TTC7A: variants seen among roughly 807,000 people sequenced by gnomAD.
The protein encoded by TTC7A is tetratricopeptide repeat domain 7A.
Under a neutral mutation model 103.7 loss-of-function variants are expected in TTC7A, and 110 were observed. The ratio of observed to expected loss-of-function variants is 1.06; its 90% CI spans 0.91 to 1.24. TTC7A has a LOEUF of 1.24. Among genes scored for constraint, TTC7A ranks in the 50% most tolerant of loss-of-function variants. TTC7A has a pLI of 0.00. For missense variants in TTC7A, 1,340 were observed against 1,116.3 expected, an observed-to-expected ratio of 1.20 and a Z score of -2.86; for synonymous variants, 521 against 467.9, an observed-to-expected ratio of 1.11 and a Z score of -1.47.
intron 12 of TTC7A, among the ~76,000 whole-genome samples, chr2:47,022,225 T>C (rs968956607): frequency 2.4e-4 from 37 of 151,982 alleles, no homozygotes; most frequent in Non-Finnish European, 5.1e-4. Context: ...TCCTCTCCCC[T>C]CTTCATGGGC....
chr2:47,062,120 G>C (rs148249794), intron 19 of TTC7A, among the ~76,000 whole-genome samples: 1 of 152,346 alleles, frequency 6.6e-6, no homozygotes, highest in Middle Eastern at 3.4e-3. Context: ...TTAGATTTCA[G>C]CCATGTCAGG....
intron 11 of TTC7A, among the ~76,000 whole-genome samples, chr2:47,013,430 A>C (rs536450855): frequency 2.0e-4 from 31 of 152,014 alleles, no homozygotes; most frequent in Non-Finnish European, 3.5e-4. Flanking sequence ...CCCGACCCCA[A>C]CTCAGGCCGC....
chr2:47,054,887 A>G (rs544016938), intron 18 of TTC7A, among the ~76,000 whole-genome samples: 15 of 152,080 alleles, frequency 9.9e-5, no homozygotes, highest in African/African-American at 3.6e-4. Context: ...AGGGGAGAAT[A>G]CACTGGTGAC....
At chr2:47,018,233 C>T (rs1197431384) in intron 11 of TTC7A, among the ~76,000 whole-genome samples, 1 of 148,426 alleles carries the variant, frequency 6.7e-6, no homozygotes, top group Non-Finnish European at 1.5e-5. Flanking sequence ...GCCAAGATCG[C>T]ACCACTGTAC....
rs566046464 is a variant in TTC7A, at chr2:47,046,827, C to T, written c.1919+396C>T. 6.0e-5 allele frequency: 14 copies of T among 232,768 alleles called. No homozygotes were observed. The Admixed American group carries it at 6.1e-4, about 10-fold the overall frequency. The allele number at this position is 232,768 out of a possible 1,614,324, so 14.4% of individuals were successfully genotyped here. A position where few individuals can be genotyped will look rare whatever the true frequency, so the allele number is the denominator to read the frequency against. On this transcript the variant is annotated intron_variant, in intron 16 of 19. Coordinates refer to ENST00000319190, the MANE Select transcript of TTC7A (RefSeq NM_020458.4). The stretch of plus-strand genomic sequence containing the variant: ...TTATATATAGCTTACCAGAATCACT[C>T]GCCTGGTAAGTGGTAGTGCTGGGAC...
chr2:47,051,769 G>A lies in TTC7A; in HGVS notation c.2041G>A (p.Ala681Thr), dbSNP rs758259662. The A allele has an allele frequency of 1.6e-5, 26 of 1,610,456 alleles. No individual in the cohort carries two copies. Among genetic ancestry groups the A allele is most frequent in the South Asian group, 9.9e-5 (9 of 90,922 alleles). ...AGGCTCCCGGCGGGCTTCGTCCATCGCCGCCTCCCGGCTGGAGGAGGCCAT... is the reference window on the plus strand; with the variant it reads ...AGGCTCCCGGCGGGCTTCGTCCATCACCGCCTCCCGGCTGGAGGAGGCCAT... ...DSGSRRASSI[A>T]ASRLEEAMSE... The change falls in exon 18 of 20, where the codon GCC becomes ACC. Residue 681 changes from alanine to threonine, a missense_variant. Physicochemically the swap from Ala to Thr is moderately conservative, Grantham distance 58. Transcript: ENST00000319190.
Position 47,029,262 on chromosome 2 carries a change from G to A in TTC7A, c.1680G>A (p.Lys560=). The stretch of plus-strand genomic sequence containing the variant: ...TGGAGCAGCTGCAGGAGGCCCTGAA[G>A]GTACGCAAGGATGATGCCCACGCCC... The part of the protein sequence containing the change: ...SAMEQLQEAL[K]VRKDDAHALH... Residue 560 remains lysine, a synonymous_variant, in exon 15 of 20, where the codon AAG becomes AAA. Transcript: ENST00000319190. The A allele has an allele frequency of 1.9e-6, 3 of 1,613,998 alleles. No individual in the cohort carries two copies. The highest frequency in any genetic ancestry group is 2.5e-6 in the Non-Finnish European group (3 of 1,180,012).
At chr2:46,936,570 C>T (rs942233883), upstream of TTC7A, among the ~76,000 whole-genome samples, 1 of 152,208 alleles carries the variant, frequency 6.6e-6, no homozygotes, top group Non-Finnish European at 1.5e-5. Flanking sequence ...TCACCATTCG[C>T]AGACTCTCAT....
At chr2:47,073,148 T>A (rs1684914292) in intron 19 of TTC7A, among the ~76,000 whole-genome samples, 1 of 152,150 alleles carries the variant, frequency 6.6e-6, no homozygotes, top group African/African-American at 2.4e-5. Context: ...TCCTCCCTGG[T>A]GGCAGTGGTG....
In TTC7A at chr2:47,024,316, A is replaced by C. The variant is rs1572943765; in HGVS notation, c.1598A>C (p.Gln533Pro). The change falls in exon 14 of 20, where the codon CAG becomes CCG. Residue 533 changes from glutamine (Q) to proline (P), a missense_variant. Coordinates refer to ENST00000319190, the MANE Select transcript of TTC7A (RefSeq NM_020458.4). ...RAQQLAPSDP[Q>P]VILYVSLQLA... The stretch of plus-strand genomic sequence containing the variant: ...CAGCAGCTGGCGCCCAGTGACCCCC[A>C]GGTCATCCTCTATGTCTCGCTGCAG... 17 of 1,609,158 alleles carry C rather than the reference A, an allele frequency of 1.1e-5. No homozygotes were observed. Among genetic ancestry groups the C allele is most frequent in the Non-Finnish European group, 1.4e-5 (16 of 1,177,720 alleles).
intron 2 of TTC7A, among the ~76,000 whole-genome samples, chr2:46,919,909 C>G (rs937901675): frequency 2.0e-5 from 3 of 152,248 alleles, no homozygotes; most frequent in African/African-American, 7.2e-5. Context: ...CTAGGCTCCC[C>G]TGTCAGCTGG....
chr2:47,015,802 T>C (rs1487290051), intron 11 of TTC7A, among the ~76,000 whole-genome samples: 1 of 152,162 alleles, frequency 6.6e-6, no homozygotes, highest in Admixed American at 6.5e-5. Context: ...GGATTAAGTG[T>C]TGATGAGGCA....
intron 11 of TTC7A, among the ~76,000 whole-genome samples, chr2:47,012,478 G>C (rs576562654): frequency 1.3e-5 from 2 of 152,204 alleles, no homozygotes; most frequent in Admixed American, 1.3e-4. Flanking sequence ...TGACACCTTC[G>C]GCCACCCCCT....
intron 2 of TTC7A, among the ~76,000 whole-genome samples, chr2:46,924,127 C>G (rs1669263523): frequency 6.6e-6 from 1 of 151,616 alleles, no homozygotes; most frequent in South Asian, 2.1e-4. Context: ...TCGCCTGGGC[C>G]CAGGAAGTCA....
At chr2:46,965,424 G>A (rs1296171197) in intron 3 of TTC7A, among the ~76,000 whole-genome samples, 1 of 152,180 alleles carries the variant, frequency 6.6e-6, no homozygotes, top group Non-Finnish European at 1.5e-5. Flanking sequence ...TTGGCCCCAG[G>A]TGAGAGGCTG....
At chr2:46,964,351 GGT>G (rs1216555451) in intron 3 of TTC7A, among the ~76,000 whole-genome samples, 1 of 152,212 alleles carries the variant, frequency 6.6e-6, no homozygotes, top group African/African-American at 2.4e-5. Context: ...GCCAAGAGGA[GGT>G]GTGTGTGGGA....
At chr2:47,003,132 A>T (rs1011022572) in intron 8 of TTC7A, among the ~76,000 whole-genome samples, 2 of 152,180 alleles carry the variant, frequency 1.3e-5, no homozygotes, top group African/African-American at 4.8e-5. Context: ...TCTAGGGTGG[A>T]CAGGGGGAGG....
intron 5 of TTC7A, among the ~76,000 whole-genome samples, chr2:46,984,440 C>T (rs1308226138): frequency 1.3e-5 from 2 of 152,198 alleles, no homozygotes; most frequent in Non-Finnish European, 2.9e-5. Flanking sequence ...TAAGATGGGG[C>T]TTCTGTTTGT....
rs1029490549 is a variant in TTC7A, at chr2:46,954,175, C to T, written c.349-2664C>T. On this transcript the variant is annotated intron_variant, in intron 2 of 19. Transcript: ENST00000319190. ...CCCACGTTAGTCTGTGAAGTATTTC[C>T]TCATCCGTTCTTTCCTCATACCTGG... Among the ~76,000 whole-genome samples the T allele has an allele frequency of 2.0e-5, 3 of 152,196 alleles. No individual in the cohort carries two copies. The East Asian group carries it at 5.8e-4, about 29-fold the overall frequency.
Sources: gnomAD v4.1 joint callset for allele counts (sites outside exome capture counted in the v4.1 genomes callset) on GRCh38, gnomAD v4.1.1 for gene constraint, MANE v1.5 for transcripts, NCBI Gene and HGNC (gene_info 2026-07-23, HGNC 2026-07-21) for gene names.